The following EIF3E variants were observed in gnomAD, a reference collection of about 807,000 sequenced individuals.
EIF3E encodes the protein eIF-3 p48.
A neutral mutation model predicts 59.3 loss-of-function variants in EIF3E; 25 were observed. That is an observed-to-expected ratio of 0.42 (90% confidence interval 0.31 to 0.59). The LOEUF (loss-of-function observed/expected upper bound fraction) is 0.59, where lower values mean the gene tolerates loss of function less well. Ranked by LOEUF, EIF3E falls within the 20% of genes least tolerant of loss-of-function variation. The pLI is 0.15. For synonymous variants in EIF3E, 176 were observed against 170.2 expected (o/e 1.03, Z -0.26); for missense variants, 317 against 534.3 (o/e 0.59, Z 4.01).
chr8:108,218,189 A>C (rs1242927358), intron 7 of EIF3E, among the ~76,000 whole-genome samples: 1 of 152,016 alleles, frequency 6.6e-6, no homozygotes, highest in African/African-American at 2.4e-5. Context: ...ATTATCTGTC[A>C]ATAAAGTCCA....
At position 108,201,705 on chromosome 8, in the gene EIF3E, AAC is replaced by A; in HGVS notation, c.*178_*179del. The stretch of plus-strand genomic sequence containing the variant: ...TTATTCCAAAAAAGAAAGTTAAAAA[AAC>A]ACAAACTTGCACATGCAAGAAAACT... On this transcript the variant is annotated 3_prime_UTR_variant, in exon 13 of 13. Coordinates refer to ENST00000220849, the MANE Select transcript of EIF3E (RefSeq NM_001568.3). The A allele has an allele frequency of 1.8e-6, 1 of 551,776 alleles. No individual in the cohort carries two copies. Among genetic ancestry groups the A allele is most frequent in the Non-Finnish European group, 2.9e-6 (1 of 345,038 alleles). 34.2% of individuals were successfully genotyped at this position (551,776 alleles called of 1,614,324 possible).
chr8:108,201,259 ATATATATCTATC>A lies in EIF3E; in HGVS notation c.*614_*625del, dbSNP rs1814990600. 1 of 143,548 alleles carries A rather than the reference ATATATATCTATC, an allele frequency of 7.0e-6. No homozygotes were observed. Among genetic ancestry groups the A allele is most frequent in the East Asian group, 1.9e-4 (1 of 5,142 alleles). The allele number at this position is 143,548 out of a possible 1,614,324, so 8.9% of individuals were successfully genotyped here. A position where few individuals can be genotyped will look rare whatever the true frequency, so the allele number is the denominator to read the frequency against. On this transcript the variant is annotated 3_prime_UTR_variant, in exon 13 of 13. Coordinates refer to ENST00000220849, the MANE Select transcript of EIF3E (RefSeq NM_001568.3). ...GGAATTAACTACTGATCATATATAT[ATATATATCTATC>A]TCTCAACTTGGATGGCTCTCAAGAG...
chr8:108,201,952 G>A (rs372904791), intron 12 of EIF3E, 29 bp from the exon 13 acceptor site: 13 of 1,539,974 alleles, frequency 8.4e-6, no homozygotes, highest in Admixed American at 7.7e-5. Flanking sequence ...AATCAACACC[G>A]TGAAAAGAAA....
intron 7 of EIF3E, among the ~76,000 whole-genome samples, chr8:108,220,301 T>A (rs1039947351): frequency 1.3e-5 from 2 of 152,268 alleles, no homozygotes; most frequent in African/African-American, 4.8e-5. Flanking sequence ...TGTCATCACA[T>A]TGCAGATTAA....
intron 5 of EIF3E, among the ~76,000 whole-genome samples, chr8:108,233,857 A>G (rs976868445): frequency 3.7e-4 from 56 of 150,110 alleles, no homozygotes; most frequent in South Asian, 2.3e-3. Context: ...AAAAAAAAAA[A>G]AAAAAGAAAT....
chr8:108,228,512 G>A (rs1815560506), intron 6 of EIF3E, 121 bp from the exon 7 acceptor site: 6 of 727,318 alleles, frequency 8.2e-6, no homozygotes, highest in Non-Finnish European at 1.2e-5. Flanking sequence ...CATGCACGGA[G>A]GTCATTATGA....
intron 5 of EIF3E, among the ~76,000 whole-genome samples, chr8:108,231,046 G>A (rs989918233): frequency 1.3e-5 from 2 of 152,104 alleles, no homozygotes; most frequent in Non-Finnish European, 1.5e-5. Context: ...AACAAAAAGG[G>A]TCTTTCTGAG....
At chr8:108,212,926 A>C (rs1815240059) in intron 10 of EIF3E, among the ~76,000 whole-genome samples, 1 of 152,218 alleles carries the variant, frequency 6.6e-6, no homozygotes, top group Non-Finnish European at 1.5e-5. Flanking sequence ...TACTAGAAAA[A>C]AAAATATTTT....
intron 10 of EIF3E, among the ~76,000 whole-genome samples, chr8:108,210,858 G>C (rs1815195508): frequency 6.6e-6 from 1 of 151,402 alleles, no homozygotes; most frequent in Non-Finnish European, 1.5e-5. Context: ...TTGGTTTTCT[G>C]TCCTTGTGAT....
chr8:108,214,693 C>T lies in EIF3E; in HGVS notation c.975G>A (p.Leu325=), dbSNP rs1815270314. The part of the protein sequence containing the change: ...CESVLVNDFF[L]VACLEDFIEN... ...CAATGAAATCCTCAAGACAAGCCAC[C>T]AAGAAGAAGTCATTCACAAGCACCT... The change falls in exon 10 of 13, where the codon TTG becomes TTA. Residue 325 remains leucine (L), a synonymous_variant. Coordinates refer to ENST00000220849, the MANE Select transcript of EIF3E (RefSeq NM_001568.3). 1 of 1,608,190 alleles carries T rather than the reference C, an allele frequency of 6.2e-7. No homozygotes were observed. The highest frequency in any genetic ancestry group is 8.5e-7 in the Non-Finnish European group (1 of 1,178,634).
At chr8:108,233,678 A>AG in intron 5 of EIF3E, 1 of 309,308 alleles carries the variant, frequency 3.2e-6, no homozygotes, top group Non-Finnish European at 6.5e-6. Context: ...TCCATCTTGG[A>AG]AAAAAAAAAA....
At chr8:108,245,916 T>C (rs949906994) in intron 1 of EIF3E, among the ~76,000 whole-genome samples, 1 of 152,172 alleles carries the variant, frequency 6.6e-6, no homozygotes, top group Non-Finnish European at 1.5e-5. Flanking sequence ...TCTCCCCTTA[T>C]CCATGAGCTA....
chr8:108,203,420 G>C lies in EIF3E; in HGVS notation c.1145C>G (p.Ala382Gly). Residue 382 changes from alanine to glycine, a missense_variant, in exon 11 of 13, where the codon GCC becomes GGC. By Grantham distance (60) the Ala-to-Gly change is moderately conservative. Transcript: ENST00000220849. Reference sequence around the variant, plus strand: ...ACTCACTAATTTAGAATCAATCTTGGCATCCAGTCTTGCATTTCTAATCAA... The same window carrying C: ...ACTCACTAATTTAGAATCAATCTTGCCATCCAGTCTTGCATTTCTAATCAA... ...VNLIRNARLD[A>G]KIDSKLGHVV... 1 of 1,611,558 alleles carries C rather than the reference G, an allele frequency of 6.2e-7. No homozygotes were observed. Among genetic ancestry groups the C allele is most frequent in the African/African-American group, 1.3e-5 (1 of 74,904 alleles).
At chr8:108,234,759 T>C (rs988311653) in intron 5 of EIF3E, 1 of 302,294 alleles carries the variant, frequency 3.3e-6, no homozygotes, top group Non-Finnish European at 6.0e-6. Flanking sequence ...CATAAAATTG[T>C]TCCTACTTTT....
intron 2 of EIF3E, among the ~76,000 whole-genome samples, 176 bp from the exon 3 acceptor site, chr8:108,240,251 T>C (rs1815809985): frequency 6.6e-6 from 1 of 152,156 alleles, no homozygotes; most frequent in African/African-American, 2.4e-5. Context: ...CCCTAATTTC[T>C]TTTTTCTACT....
intron 5 of EIF3E, among the ~76,000 whole-genome samples, chr8:108,231,044 G>C (rs192299404): frequency 2.0e-5 from 3 of 152,042 alleles, no homozygotes; most frequent in Admixed American, 6.6e-5. Flanking sequence ...AGAACAAAAA[G>C]GGTCTTTCTG....
intron 10 of EIF3E, among the ~76,000 whole-genome samples, chr8:108,204,848 A>C (rs1263561820): frequency 6.6e-6 from 1 of 150,800 alleles, no homozygotes; most frequent in Non-Finnish European, 1.5e-5. Context: ...CCAGACCATG[A>C]AGATCTTGAT....
intron 7 of EIF3E, among the ~76,000 whole-genome samples, chr8:108,218,190 A>G (rs1815338565): frequency 6.6e-6 from 1 of 152,170 alleles, no homozygotes. Context: ...TTATCTGTCA[A>G]TAAAGTCCAT....
Position 108,217,537 on chromosome 8 carries a change from T to TGA in EIF3E, c.723-78_723-77insTC. The TGA allele has an allele frequency of 4.0e-6, 5 of 1,258,064 alleles. No homozygotes were observed. The South Asian group carries it at 5.7e-5, about 14-fold the overall frequency. The allele number at this position is 1,258,064 out of a possible 1,614,324, so 77.9% of individuals were successfully genotyped here. ...AAAACTCTCGAGCAGGTCATTAGAT[T>TGA]GTACTATTTCACTAGCCTAAGACTG... On this transcript the variant is annotated intron_variant, in intron 7 of 12. Transcript: ENST00000220849.
Sources: allele counts gnomAD v4.1 joint callset (sites outside exome capture counted in the v4.1 genomes callset), GRCh38; gene constraint gnomAD v4.1.1; transcripts MANE v1.5; gene names NCBI Gene and HGNC (gene_info 2026-07-23, HGNC 2026-07-21).